The following NCOA3 variants were observed in gnomAD, a reference collection of about 807,000 sequenced individuals.
NCOA3 encodes CBP-interacting protein.
NCOA3 carries 51 observed loss-of-function variants against 158.8 expected under a neutral mutation model. That is an observed-to-expected ratio of 0.32 (90% confidence interval 0.26 to 0.41). NCOA3 has a LOEUF of 0.41. NCOA3 is among the 10% of genes least tolerant of loss of function. NCOA3 has a pLI of 1.00. For missense variants in NCOA3, 1,510 were observed against 1,746.6 expected (o/e 0.86, Z 2.41); for synonymous variants, 537 against 592.4 (o/e 0.91, Z 1.36).
intron 16 of NCOA3, among the ~76,000 whole-genome samples, chr20:47,641,320 A>AT (rs1452669959): frequency 8.1e-6 from 1 of 123,788 alleles, no homozygotes; most frequent in South Asian, 2.6e-4. Flanking sequence ...ATAGCTCAAC[A>AT]TTTCTTTTTT....
chr20:47,652,641 TG>T (rs1479664331), intron 21 of NCOA3, 61 bp downstream of exon 21: 4 of 1,502,848 alleles, frequency 2.7e-6, no homozygotes, highest in Non-Finnish European at 3.6e-6. Context: ...AAGAACTTAA[TG>T]TATTTTTCAG....
At chr20:47,627,821 T>C (rs1477081584) in intron 7 of NCOA3, 72 bp downstream of exon 7, 1 of 1,580,864 alleles carries the variant, frequency 6.3e-7, no homozygotes, top group Non-Finnish European at 8.7e-7. Flanking sequence ...GAAACTTGTG[T>C]TGTAACCCTT....
intron 17 of NCOA3, among the ~76,000 whole-genome samples, chr20:47,645,179 G>A (rs72645291): frequency 6.6e-6 from 1 of 152,064 alleles, no homozygotes; most frequent in Non-Finnish European, 1.5e-5. Flanking sequence ...AAAATTTCCT[G>A]TTTTCAGCCT....
At chr20:47,602,953 T>TA (rs967143050) in intron 2 of NCOA3, among the ~76,000 whole-genome samples, 7 of 151,972 alleles carry the variant, frequency 4.6e-5, no homozygotes, top group Admixed American at 3.9e-4. Context: ...GTCTTTAGAT[T>TA]AAAAAAAATT....
chr20:47,649,625 G>A (rs1035333263), intron 19 of NCOA3, among the ~76,000 whole-genome samples: 1 of 151,994 alleles, frequency 6.6e-6, no homozygotes, highest in Non-Finnish European at 1.5e-5. Flanking sequence ...TTTTTTTAAT[G>A]TGCATGAGGC....
At chr20:47,568,144 G>T (rs2085228844) in intron 1 of NCOA3, among the ~76,000 whole-genome samples, 1 of 152,208 alleles carries the variant, frequency 6.6e-6, no homozygotes, top group Non-Finnish European at 1.5e-5. Flanking sequence ...CCTGGAAGAA[G>T]ACCAGGCAAC....
intron 2 of NCOA3, among the ~76,000 whole-genome samples, chr20:47,609,152 T>C (rs1174983015): frequency 1.3e-5 from 2 of 152,204 alleles, no homozygotes; most frequent in African/African-American, 4.8e-5. Context: ...GATGATCTAC[T>C]TACTAGTTTG....
chr20:47,642,990 A>G (rs574171875), intron 17 of NCOA3, among the ~76,000 whole-genome samples: 50 of 152,332 alleles, frequency 3.3e-4, no homozygotes, highest in Admixed American at 7.8e-4. Flanking sequence ...ATCTCACTGC[A>G]ACCTCCACCT....
intron 2 of NCOA3, among the ~76,000 whole-genome samples, chr20:47,587,123 TC>T (rs2085548297): frequency 6.6e-6 from 1 of 152,216 alleles, no homozygotes; most frequent in Non-Finnish European, 1.5e-5. Context: ...AGCATTCCTT[TC>T]CCATTACCCG....
intron 1 of NCOA3, among the ~76,000 whole-genome samples, chr20:47,519,005 G>C (rs1326109920): frequency 6.6e-6 from 1 of 151,432 alleles, no homozygotes; most frequent in Non-Finnish European, 1.5e-5. Flanking sequence ...GCGTGGTGAC[G>C]GGCACCTGTA....
At chr20:47,543,499 TTTC>T (rs771803659) in intron 1 of NCOA3, among the ~76,000 whole-genome samples, 80 of 152,062 alleles carry the variant, frequency 5.3e-4, no homozygotes, top group African/African-American at 9.4e-4. Context: ...TTTTTCTTTC[TTTC>T]TTCTTCTTCT....
intron 8 of NCOA3, among the ~76,000 whole-genome samples, chr20:47,632,085 A>G (rs2086427495): frequency 6.6e-6 from 1 of 152,208 alleles, no homozygotes; most frequent in East Asian, 1.9e-4. Context: ...TGCCAGTTGC[A>G]AGTCCTGGCC....
chr20:47,597,503 G>C (rs533282056), intron 2 of NCOA3, among the ~76,000 whole-genome samples: 1 of 148,578 alleles, frequency 6.7e-6, no homozygotes, highest in South Asian at 2.1e-4. Context: ...TTTTTTGGGA[G>C]GGGGAGATGG....
At chr20:47,547,297 T>G (rs1178368874) in intron 1 of NCOA3, among the ~76,000 whole-genome samples, 3 of 152,162 alleles carry the variant, frequency 2.0e-5, no homozygotes, top group East Asian at 3.9e-4. Context: ...ACCCCATCTG[T>G]GGCGTTAAGA....
At chr20:47,613,309 A>G (rs1602486221) in intron 2 of NCOA3, among the ~76,000 whole-genome samples, 1 of 149,254 alleles carries the variant, frequency 6.7e-6, no homozygotes, top group South Asian at 2.1e-4. Context: ...TAGCTTTGCT[A>G]TTCATTGTGT....
At chr20:47,525,836 G>T (rs1218343052) in intron 1 of NCOA3, among the ~76,000 whole-genome samples, 1 of 129,060 alleles carries the variant, frequency 7.7e-6, no homozygotes, top group Non-Finnish European at 1.7e-5. Flanking sequence ...AGTAGGGGCG[G>T]CCGGGCAGAG....
chr20:47,504,454 A>C (rs535507446), intron 1 of NCOA3, among the ~76,000 whole-genome samples: 7 of 147,790 alleles, frequency 4.7e-5, no homozygotes, highest in Non-Finnish European at 9.0e-5. Flanking sequence ...GGGACATTAC[A>C]TTAAAGATAA....
intron 1 of NCOA3, among the ~76,000 whole-genome samples, chr20:47,561,962 G>T (rs2085113930): frequency 1.3e-5 from 2 of 151,088 alleles, no homozygotes; most frequent in African/African-American, 4.8e-5. Flanking sequence ...TCATTTTATT[G>T]TCCCCATAGT....
rs777808831 is a variant in NCOA3, at chr20:47,627,731, A to G, written c.703A>G (p.Met235Val). Residue 235 changes from methionine to valine, a missense_variant, in exon 7 of 23, where the codon ATG becomes GTG. Coordinates refer to ENST00000371998, the MANE Select transcript of NCOA3 (RefSeq NM_181659.3). ...QCFALSQPRA[M>V]MEEGEDLQSC... ...CTTTGCCCTGTCTCAGCCACGAGCT[A>G]TGATGGAGGAAGGGGAAGGTAAGAG... 1.2e-6 allele frequency: 2 copies of G among 1,613,520 alleles called. No individual in the cohort carries two copies. The highest frequency in any genetic ancestry group is 1.1e-5 in the South Asian group (1 of 90,830).
Sources: allele counts gnomAD v4.1 joint callset (sites outside exome capture counted in the v4.1 genomes callset), GRCh38; gene constraint gnomAD v4.1.1; transcripts MANE v1.5; gene names NCBI Gene and HGNC (gene_info 2026-07-23, HGNC 2026-07-21).